Variants in STK38 observed in about 807,000 individuals in gnomAD.
The protein encoded by STK38 is serine/threonine-protein kinase 38.
In STK38, 26 loss-of-function variants were observed where a neutral mutation model predicts 59.0. The ratio of observed to expected loss-of-function variants is 0.44; its 90% CI spans 0.32 to 0.61. The LOEUF (loss-of-function observed/expected upper bound fraction) is 0.61. STK38 is among the 20% of genes least tolerant of loss of function. STK38 has a pLI of 0.04. For missense variants in STK38, 433 were observed against 566.0 expected, an observed-to-expected ratio of 0.76 and a Z score of 2.38; for synonymous variants, 175 against 176.6, an observed-to-expected ratio of 0.99 and a Z score of 0.07.
chr6:36,510,533 G>A (rs533210299), intron 7 of STK38, among the ~76,000 whole-genome samples: 1 of 152,312 alleles, frequency 6.6e-6, no homozygotes, highest in East Asian at 1.9e-4. Context: ...CCCAGCTCCT[G>A]CCAGCTCCAT....
intron 5 of STK38, among the ~76,000 whole-genome samples, chr6:36,520,510 T>G (rs957596787): frequency 2.0e-5 from 3 of 152,166 alleles, no homozygotes; most frequent in Admixed American, 6.5e-5. Context: ...AAACATACCT[T>G]GCAAAAACAA....
intron 2 of STK38, among the ~76,000 whole-genome samples, chr6:36,531,281 G>C (rs1270110440): frequency 6.6e-6 from 1 of 152,160 alleles, no homozygotes; most frequent in Non-Finnish European, 1.5e-5. Flanking sequence ...GAAAGACTTT[G>C]TTTGATTTGG....
At chr6:36,512,363 T>C (rs1037680026) in intron 7 of STK38, among the ~76,000 whole-genome samples, 1 of 152,182 alleles carries the variant, frequency 6.6e-6, no homozygotes, top group African/African-American at 2.4e-5. Flanking sequence ...TTTAATATGG[T>C]TGCTGGATCT....
chr6:36,499,495 C>T (rs1232465850), intron 10 of STK38, among the ~76,000 whole-genome samples: 1 of 152,084 alleles, frequency 6.6e-6, no homozygotes, highest in Non-Finnish European at 1.5e-5. Context: ...GCCAGAGGGT[C>T]CCATGATTTG....
At chr6:36,512,659 TC>T (rs1777140393) in intron 7 of STK38, among the ~76,000 whole-genome samples, 2 of 151,786 alleles carry the variant, frequency 1.3e-5, no homozygotes, top group African/African-American at 2.4e-5. Flanking sequence ...TTATAGGTAA[TC>T]TTTCTTCTTT....
intron 7 of STK38, among the ~76,000 whole-genome samples, chr6:36,509,124 C>G (rs1777040343): frequency 6.6e-6 from 1 of 152,194 alleles, no homozygotes. Flanking sequence ...GCTCTTTCAG[C>G]CCCACCATTT....
At chr6:36,513,794 G>T (rs1487804918) in intron 7 of STK38, among the ~76,000 whole-genome samples, 1 of 147,402 alleles carries the variant, frequency 6.8e-6, no homozygotes, top group Non-Finnish European at 1.5e-5. Flanking sequence ...ACTTAAACCA[G>T]GCAGTTTGAG....
intron 9 of STK38, among the ~76,000 whole-genome samples, chr6:36,503,745 T>C (rs1253196195): frequency 1.3e-5 from 2 of 152,174 alleles, no homozygotes; most frequent in African/African-American, 4.8e-5. Context: ...AAAAAACTCT[T>C]AACGAGTTAT....
chr6:36,510,930 A>G (rs1291441312), intron 7 of STK38, among the ~76,000 whole-genome samples: 3 of 152,246 alleles, frequency 2.0e-5, no homozygotes, highest in Non-Finnish European at 4.4e-5. Context: ...AATGCATGTA[A>G]GACTCCCAAC....
chr6:36,540,034 A>AC (rs1482573219), intron 2 of STK38, 38 bp downstream of exon 2: 1 of 1,611,298 alleles, frequency 6.2e-7, no homozygotes, highest in South Asian at 1.1e-5. Context: ...AAGGAATGCC[A>AC]CAACCATGAC....
Position 36,510,102 on chromosome 6 carries a change from C to T in STK38, c.670-2500G>A, listed in dbSNP as rs377064434. ...CATCCCTGGCTTGAAGGTGGGGCTT[C>T]GCCAGGGACCCACCCCTTTCCACCC... On this transcript the variant is annotated intron_variant, in intron 7 of 13. Transcript: ENST00000229812. Among the ~76,000 whole-genome samples the T allele has an allele frequency of 7.2e-5, 11 of 152,308 alleles. No individual in the cohort carries two copies. In the South Asian group the frequency reaches 1.7e-3, roughly 23 times the overall value.
chr6:36,506,142 G>A (rs775985201), intron 9 of STK38, among the ~76,000 whole-genome samples: 1 of 152,168 alleles, frequency 6.6e-6, no homozygotes, highest in Non-Finnish European at 1.5e-5. Flanking sequence ...GTCAGAAAGT[G>A]TGAGGCAAAT....
At chr6:36,531,982 A>T (rs544498163) in intron 2 of STK38, among the ~76,000 whole-genome samples, 5 of 152,190 alleles carry the variant, frequency 3.3e-5, no homozygotes, top group South Asian at 2.1e-4. Context: ...GACACAAAAT[A>T]AAAAAAATGA....
At chr6:36,509,461 A>G (rs1777051445) in intron 7 of STK38, among the ~76,000 whole-genome samples, 2 of 152,194 alleles carry the variant, frequency 1.3e-5, no homozygotes, top group Non-Finnish European at 2.9e-5. Flanking sequence ...ATTTGGCCGA[A>G]AGCAGCCAGA....
intron 8 of STK38, 45 bp downstream of exon 8, chr6:36,507,455 A>C (rs1776995511): frequency 1.3e-6 from 2 of 1,521,992 alleles, no homozygotes; most frequent in South Asian, 2.3e-5. Context: ...CAGCTCTTCT[A>C]GGCCCAGTTA....
chr6:36,539,230 A>G (rs1777872692), intron 2 of STK38, among the ~76,000 whole-genome samples: 1 of 152,004 alleles, frequency 6.6e-6, no homozygotes, highest in East Asian at 1.9e-4. Flanking sequence ...TGCTAAAAAT[A>G]CAAAAATTAG....
chr6:36,517,643 G>A, intron 6 of STK38, 74 bp downstream of exon 6: 2 of 1,566,782 alleles, frequency 1.3e-6, no homozygotes, highest in Non-Finnish European at 1.7e-6. Context: ...GTAGAAAGGA[G>A]GGTTAATCGT....
intron 9 of STK38, among the ~76,000 whole-genome samples, chr6:36,501,932 G>A (rs1310179783): frequency 7.2e-5 from 11 of 152,176 alleles, no homozygotes; most frequent in Admixed American, 1.3e-4. Flanking sequence ...CACTGTGCAA[G>A]CATTCCTCTA....
At chr6:36,529,345 T>A (rs1259146775) in intron 2 of STK38, among the ~76,000 whole-genome samples, 3 of 152,226 alleles carry the variant, frequency 2.0e-5, no homozygotes, top group Non-Finnish European at 4.4e-5. Flanking sequence ...ATCTGAGGGA[T>A]GAATATATTG....
Sources: gnomAD v4.1 joint callset for allele counts (sites outside exome capture counted in the v4.1 genomes callset) on GRCh38, gnomAD v4.1.1 for gene constraint, MANE v1.5 for transcripts, NCBI Gene and HGNC (gene_info 2026-07-23, HGNC 2026-07-21) for gene names.